Variants in IGFN1 observed in about 807,000 individuals in gnomAD.
IGFN1 encodes the protein immunoglobulin-like and fibronectin type III domain-containing protein 1.
A neutral mutation model predicts 289.5 loss-of-function variants in IGFN1; 253 were observed. The observed-to-expected ratio is 0.87, with a 90% CI of 0.79 to 0.97. The LOEUF is 0.97. Ranked by LOEUF, IGFN1 falls within the 50% of genes least tolerant of loss-of-function variation. The pLI is 0.00. For missense variants in IGFN1, 4,470 were observed against 4,686.1 expected, an observed-to-expected ratio of 0.95 and a Z score of 1.35; for synonymous variants, 1,706 against 1,788.5, an observed-to-expected ratio of 0.95 and a Z score of 1.16.
At chr1:201,217,206 G>A (rs954736973) in intron 16 of IGFN1, 81 bp from the exon 17 acceptor site, 1 of 1,296,762 alleles carries the variant, frequency 7.7e-7, no homozygotes, top group Admixed American at 1.8e-5. Context: ...CCAGATGCCT[G>A]TGCCCCCTAC....
Position 201,222,799 on chromosome 1 carries a change from A to C in IGFN1, c.10262A>C (p.Asp3421Ala), listed in dbSNP as rs764795363. 1 of 1,613,418 alleles carries C rather than the reference A, an allele frequency of 6.2e-7. No homozygotes were observed. The highest frequency in any genetic ancestry group is 2.2e-5 in the East Asian group (1 of 44,858). ...TKDLLTVKVGDTVRVPVSFEA... is the reference protein window; with the variant it reads ...TKDLLTVKVGATVRVPVSFEA... ...GACTTGCTGACAGTCAAGGTCGGGG[A>C]CACAGTTCGTGTGCCCGTCTCCTTT... The change falls in exon 20 of 24, where the codon GAC (aspartate) becomes GCC (alanine). Residue 3421 changes from aspartate (D) to alanine (A), a missense_variant. Transcript: ENST00000335211.
chr1:201,216,705 G>T lies in IGFN1; in HGVS notation c.9547G>T (p.Gly3183Trp). The change falls in exon 16 of 24, where the codon GGG becomes TGG. Residue 3183 changes from glycine to tryptophan, a missense_variant. Transcript: ENST00000335211. ...CCGAGTGCGGGCTGTGACCTCAGAG[G>T]GGGCTGGCGAGGCCCTGGAGTCTGA... The part of the protein sequence containing the change: ...TFRVRAVTSE[G>W]AGEALESEEI... 1 of 1,613,728 alleles carries T rather than the reference G, an allele frequency of 6.2e-7. No individual in the cohort carries two copies. The highest frequency in any genetic ancestry group is 8.5e-7 in the Non-Finnish European group (1 of 1,179,854).
Position 201,209,966 on chromosome 1 carries a change from T to C in IGFN1, c.5073T>C (p.Gly1691=). ...GAATAGGTTCAGGGAGTAAGGCAGGTTTTAGGGATGGTTTAGGGAGTTCTG... is the reference window on the plus strand; with the variant it reads ...GAATAGGTTCAGGGAGTAAGGCAGGCTTTAGGGATGGTTTAGGGAGTTCTG... The part of the protein sequence containing the change: ...PEGIGSGSKA[G]FRDGLGSSVE... Residue 1691 remains glycine (G), a synonymous_variant, in exon 12 of 24, where the codon GGT becomes GGC. Transcript: ENST00000335211. 4.7e-6 allele frequency: 7 copies of C among 1,493,712 alleles called. No homozygotes were observed. Among genetic ancestry groups the C allele is most frequent in the Non-Finnish European group, 6.3e-6 (7 of 1,116,366 alleles). The allele number at this position is 1,493,712 out of a possible 1,614,324, so 92.5% of individuals were successfully genotyped here.
Position 201,216,637 on chromosome 1 carries a change from C to A in IGFN1, c.9479C>A (p.Thr3160Asn). 3.1e-6 allele frequency: 5 copies of A among 1,613,992 alleles called. No homozygotes were observed. The South Asian group carries it at 5.5e-5, about 18-fold the overall frequency. The change falls in exon 16 of 24, where the codon ACC (threonine) becomes AAC (asparagine). Residue 3160 changes from threonine to asparagine, a missense_variant. Coordinates refer to ENST00000335211, the MANE Select transcript of IGFN1 (RefSeq NM_001164586.2). ...GGCGAGGCCCCCGCTGACAGCACCA[C>A]CTTCACGGATGCCCATGTGGAGCCA... is the stretch of plus-strand genomic sequence containing the variant. ...KVGEAPADST[T>N]FTDAHVEPGR...
intron 1 of IGFN1, among the ~76,000 whole-genome samples, chr1:201,191,890 G>T (rs1432385483): frequency 6.6e-6 from 1 of 151,734 alleles, no homozygotes; most frequent in African/African-American, 2.4e-5. Context: ...TGGGGATGAT[G>T]ACTCAGATAG....
intron 3 of IGFN1, among the ~76,000 whole-genome samples, chr1:201,194,851 A>G (rs1169515850): frequency 1.3e-5 from 2 of 152,230 alleles, no homozygotes; most frequent in Middle Eastern, 3.2e-3. Context: ...TGGTAATAAG[A>G]AAAAGAATGG....
chr1:201,207,069 G>A lies in IGFN1; in HGVS notation c.2176G>A (p.Asp726Asn), dbSNP rs759123051. 71 of 1,536,880 alleles carry A rather than the reference G, an allele frequency of 4.6e-5. No homozygotes were observed. In the East Asian group the frequency reaches 1.7e-3, roughly 36 times the overall value. ...ELLEQIPGGK[D>N]FQEPSISGGR... ...GCTAGAACAGATACCTGGAGGCAAG[G>A]ACTTCCAGGAACCATCAATATCAGG... Residue 726 changes from aspartate to asparagine, a missense_variant, in exon 12 of 24, where the codon GAC becomes AAC. Coordinates refer to ENST00000335211, the MANE Select transcript of IGFN1 (RefSeq NM_001164586.2).
At position 201,210,900 on chromosome 1, in the gene IGFN1, G is replaced by T. The variant is rs573837998; in HGVS notation, c.6007G>T (p.Gly2003Trp). ...TGAGGCAGGTTATAGGAAGGATTTG[G>T]GGGCTCCTGAGGGAATAGGTTCAGG... Reference protein sequence around the residue: ...MDEAGYRKDLGAPEGIGSGSK... With the variant: ...MDEAGYRKDLWAPEGIGSGSK... The change falls in exon 12 of 24, where the codon GGG becomes TGG. Residue 2003 changes from glycine (G) to tryptophan (W), a missense_variant. This residue lies in a region of IGFN1 where 108 missense variants were observed against 128.7 expected (regional missense o/e 0.84). Coordinates refer to ENST00000335211, the MANE Select transcript of IGFN1 (RefSeq NM_001164586.2). 141 of 1,526,006 alleles carry T rather than the reference G, an allele frequency of 9.2e-5. No individual in the cohort carries two copies. Among genetic ancestry groups the T allele is most frequent in the African/African-American group, 2.8e-4 (20 of 71,090 alleles). 94.5% of individuals were successfully genotyped at this position (1,526,006 alleles called of 1,614,324 possible).
At chr1:201,227,235 G>A (rs2102377625) in intron 23 of IGFN1, 27 bp downstream of exon 23, 2 of 1,523,258 alleles carry the variant, frequency 1.3e-6, no homozygotes, top group South Asian at 1.2e-5. Context: ...TGGCAGTGGG[G>A]CAGGAAGGAG....
chr1:201,202,509 A>T (rs1667206925), intron 9 of IGFN1, among the ~76,000 whole-genome samples: 1 of 151,584 alleles, frequency 6.6e-6, no homozygotes, highest in Non-Finnish European at 1.5e-5. Flanking sequence ...TCCTTTGCCC[A>T]GGTGTTCCCT....
In IGFN1 at chr1:201,211,714, G is replaced by C; in HGVS notation, c.6821G>C (p.Ser2274Thr). The change falls in exon 12 of 24, where the codon AGT (serine) becomes ACT (threonine). Residue 2274 changes from serine to threonine, a missense_variant. Transcript: ENST00000335211. Reference sequence around the variant, plus strand: ...ACAGATTACAGGAATGGTTTAGGCAGTTCTGGAAAAATCAGTTCAGGGGAT... The same window carrying C: ...ACAGATTACAGGAATGGTTTAGGCACTTCTGGAAAAATCAGTTCAGGGGAT... Reference protein sequence around the residue: ...SYTDYRNGLGSSGKISSGDEA... With the variant: ...SYTDYRNGLGTSGKISSGDEA... The C allele has an allele frequency of 6.5e-7, 1 of 1,536,974 alleles. No homozygotes were observed. Among genetic ancestry groups the C allele is most frequent in the Non-Finnish European group, 8.7e-7 (1 of 1,146,780 alleles).
rs764643976 is a variant in IGFN1, at chr1:201,207,447, G to A, written c.2554G>A (p.Ala852Thr). Residue 852 changes from alanine to threonine, a missense_variant, in exon 12 of 24, where the codon GCC becomes ACC. Around this residue, in one of 8 missense-constraint regions of IGFN1, gnomAD observed 2,011 missense variants for 1,953.4 expected, o/e 1.03. Transcript: ENST00000335211. ...DTPSSLRKTG[A>T]HHGPGVLGPS... ...ACCATCTAGCCTCAGAAAAACTGGG[G>A]CCCACCATGGGCCTGGAGTGCTGGG... 24 of 1,528,220 alleles carry A rather than the reference G, an allele frequency of 1.6e-5. No homozygotes were observed. The highest frequency in any genetic ancestry group is 7.2e-5 in the South Asian group (6 of 82,876). 94.7% of individuals were successfully genotyped at this position (1,528,220 alleles called of 1,614,324 possible).
chr1:201,193,341 C>A (rs372466094), intron 2 of IGFN1, 41 bp downstream of exon 2: 108 of 1,474,692 alleles, frequency 7.3e-5, no homozygotes, highest in Middle Eastern at 1.7e-4. Context: ...CCCTCCCTGG[C>A]GATCCTTACC....
At chr1:201,191,463 A>G (rs151335705) in intron 1 of IGFN1, among the ~76,000 whole-genome samples, 1 of 152,266 alleles carries the variant, frequency 6.6e-6, no homozygotes, top group Non-Finnish European at 1.5e-5. Context: ...TCCAGTGCTG[A>G]GAGTGTTGTT....
chr1:201,200,737 G>T (rs906844259), intron 8 of IGFN1, among the ~76,000 whole-genome samples: 6 of 151,988 alleles, frequency 3.9e-5, no homozygotes, highest in Non-Finnish European at 7.4e-5. Flanking sequence ...ATAAATGAGA[G>T]AATGTAATTA....
chr1:201,228,194 TGGTTCCCCGAGGGGCCAGCAAA>T (rs1654236174), intron 23 of IGFN1, among the ~76,000 whole-genome samples, 170 bp from the exon 24 acceptor site: 1 of 152,202 alleles, frequency 6.6e-6, no homozygotes, highest in Admixed American at 6.5e-5. Context: ...GGGGTGATTA[TGGTTCCCCGAGGGGCCAGCAAA>T]GGGCTTTGCC....
chr1:201,195,423 A>T (rs1407527501), intron 3 of IGFN1, among the ~76,000 whole-genome samples: 2 of 152,162 alleles, frequency 1.3e-5, no homozygotes, highest in African/African-American at 2.4e-5. Flanking sequence ...AAGTGCTGGG[A>T]TTACATGCGT....
Position 201,213,533 on chromosome 1 carries a change from G to T in IGFN1, c.8640G>T (p.Leu2880Phe), listed in dbSNP as rs146011421. Residue 2880 changes from leucine (L) to phenylalanine (F), a missense_variant, in exon 12 of 24, where the codon TTG becomes TTT. Physicochemically the swap from Leu to Phe is conservative, Grantham distance 22. Transcript: ENST00000335211. ...GGAGAAGTGGCAAAGACGGCAGGTT[G>T]GACATCTATGGAGAGAGGAGAGATG... Reference protein sequence around the residue: ...GSRRSGKDGRLDIYGERRDAT... With the variant: ...GSRRSGKDGRFDIYGERRDAT... The T allele has an allele frequency of 6.2e-7, 1 of 1,613,936 alleles. No homozygotes were observed. Among genetic ancestry groups the T allele is most frequent in the African/African-American group, 1.3e-5 (1 of 74,880 alleles).
chr1:201,205,752 G>A (rs957459188), intron 11 of IGFN1, among the ~76,000 whole-genome samples: 3 of 152,208 alleles, frequency 2.0e-5, no homozygotes, highest in Non-Finnish European at 2.9e-5. Context: ...TGAGCAAGTC[G>A]ATATTTTAAA....
Sources: gnomAD v4.1 joint callset for allele counts (sites outside exome capture counted in the v4.1 genomes callset) on GRCh38, gnomAD v4.1.1 for gene constraint, gnomAD v4.1.1 regional missense constraint, MANE v1.5 for transcripts, NCBI Gene and HGNC (gene_info 2026-07-23, HGNC 2026-07-21) for gene names.